PPM1A: variants seen among roughly 807,000 people sequenced by gnomAD.
PPM1A encodes the protein protein phosphatase, Mg2+/Mn2+ dependent 1A, also known as protein phosphatase 1A.
In PPM1A, 7 loss-of-function variants were observed where a neutral mutation model predicts 35.0. The observed-to-expected ratio is 0.20, with a 90% CI of 0.11 to 0.38. The LOEUF (loss-of-function observed/expected upper bound fraction) is 0.38. Among genes scored for constraint, PPM1A ranks in the 10% least tolerant of loss-of-function variants. The pLI is 1.00. For synonymous variants in PPM1A, 153 were observed against 167.3 expected, an observed-to-expected ratio of 0.91 and a Z score of 0.66; for missense variants, 239 against 467.8, an observed-to-expected ratio of 0.51 and a Z score of 4.51.
At chr14:60,272,690 C>CAA (rs34892158) in intron 1 of PPM1A, among the ~76,000 whole-genome samples, 272 of 68,086 alleles carry the variant, frequency 4.0e-3, no homozygotes, top group East Asian at 0.013. Flanking sequence ...GACTCTGTCT[C>CAA]AAAAAAAAAA....
At chr14:60,276,500 AATGTTC>A (rs1885776454) in intron 1 of PPM1A, among the ~76,000 whole-genome samples, 1 of 152,106 alleles carries the variant, frequency 6.6e-6, no homozygotes, top group Non-Finnish European at 1.5e-5. Flanking sequence ...CCTGTTTAGC[AATGTTC>A]TTTTGTTATA....
At chr14:60,257,412 A>G (rs2139357087) in intron 1 of PPM1A, among the ~76,000 whole-genome samples, 1 of 152,322 alleles carries the variant, frequency 6.6e-6, no homozygotes, top group East Asian at 1.9e-4. Flanking sequence ...TGAACACATG[A>G]CAGAAAATTG....
intron 1 of PPM1A, among the ~76,000 whole-genome samples, chr14:60,258,543 ATT>A (rs1883393729): frequency 6.6e-6 from 1 of 152,114 alleles, no homozygotes; most frequent in South Asian, 2.1e-4. Flanking sequence ...TTTTAAAGTC[ATT>A]GATGAACAGT....
chr14:60,256,699 C>G lies in PPM1A; in HGVS notation c.-21+7022C>G, dbSNP rs982991932. ...TATCTCATTAAATCTTCATAGCAGC[C>G]CTATGAGCTAGATACTGTTACTACC... On this transcript the variant is annotated intron_variant, in intron 1 of 5. Coordinates refer to ENST00000395076, the MANE Select transcript of PPM1A (RefSeq NM_021003.5). 3 of 152,064 alleles carry G rather than the reference C, an allele frequency of 2.0e-5. No homozygotes were observed. In the South Asian group the frequency reaches 6.2e-4, roughly 32 times the overall value. 9.4% of individuals were successfully genotyped at this position (152,064 alleles called of 1,614,324 possible).
intron 4 of PPM1A, among the ~76,000 whole-genome samples, 158 bp downstream of exon 4, chr14:60,290,072 G>A (rs1028669911): frequency 6.6e-6 from 1 of 152,078 alleles, no homozygotes; most frequent in Non-Finnish European, 1.5e-5. Context: ...AATATCTAGA[G>A]TTTGTTTAGA....
At chr14:60,260,809 G>A (rs1883664092) in intron 1 of PPM1A, among the ~76,000 whole-genome samples, 1 of 152,086 alleles carries the variant, frequency 6.6e-6, no homozygotes, top group African/African-American at 2.4e-5. Flanking sequence ...TCACTTACAT[G>A]TGTCTTGCAT....
upstream of PPM1A, chr14:60,248,742 T>C: frequency 6.6e-6 from 1 of 151,328 alleles, no homozygotes; most frequent in Non-Finnish European, 1.5e-5. Context: ...TCGCAGGGAG[T>C]GGGGTTTGTA....
chr14:60,258,695 T>C (rs1374640034), intron 1 of PPM1A, among the ~76,000 whole-genome samples: 1 of 152,114 alleles, frequency 6.6e-6, no homozygotes, highest in Non-Finnish European at 1.5e-5. Flanking sequence ...GGATACAGTT[T>C]GTTGGCCGGC....
chr14:60,285,789 C>G, intron 3 of PPM1A, 48 bp downstream of exon 3: 1 of 1,598,140 alleles, frequency 6.3e-7, no homozygotes, highest in Non-Finnish European at 8.5e-7. Context: ...GAAAAATCTT[C>G]AACACAATCA....
chr14:60,280,472 G>T (rs774760965), intron 1 of PPM1A, among the ~76,000 whole-genome samples: 1 of 152,234 alleles, frequency 6.6e-6, no homozygotes, highest in Non-Finnish European at 1.5e-5. Flanking sequence ...GAGGAAGGAA[G>T]TTTGTCATTA....
chr14:60,289,962 A>C lies in PPM1A; in HGVS notation c.1061+48A>C, dbSNP rs1177965048. On this transcript the variant is annotated intron_variant, in intron 4 of 5. Transcript: ENST00000395076. This position sits in a 1 kb window ranked among gnomAD's most constrained non-coding sequence, Gnocchi z 4.1. ...TTATGCTTTATGTCAGTGTATGAAAATGTTAGGTATTCATTGATAAAATGT... is the reference window on the plus strand; with the variant it reads ...TTATGCTTTATGTCAGTGTATGAAACTGTTAGGTATTCATTGATAAAATGT... 1.6e-6 allele frequency: 2 copies of C among 1,240,074 alleles called. No individual in the cohort carries two copies. Among genetic ancestry groups the C allele is most frequent in the East Asian group, 2.7e-5 (1 of 37,050 alleles). The allele number at this position is 1,240,074 out of a possible 1,614,324, so 76.8% of individuals were successfully genotyped here.
At chr14:60,252,480 CAAG>C (rs1241901952) in intron 1 of PPM1A, among the ~76,000 whole-genome samples, 4 of 152,062 alleles carry the variant, frequency 2.6e-5, no homozygotes, top group Non-Finnish European at 5.9e-5. Context: ...AAGAGTTAAG[CAAG>C]AAGATAAAAC....
rs767419955 is a variant in PPM1A, at chr14:60,289,820, C to G, written c.967C>G (p.Gln323Glu). Residue 323 changes from glutamine to glutamate, a missense_variant, in exon 4 of 6, where the codon CAG becomes GAG. Gln to Glu is a conservative substitution (Grantham distance 29). Transcript: ENST00000395076. This position sits in a 1 kb window ranked among gnomAD's most constrained non-coding sequence, Gnocchi z 4.1. ...ECRVEEIIKK[Q>E]GEGVPDLVHV... ...CTGATTCCCAGAAATCATAAAGAAG[C>G]AGGGGGAAGGCGTCCCCGACTTAGT... 6.2e-7 allele frequency: 1 copy of G among 1,608,448 alleles called. No homozygotes were observed. Among genetic ancestry groups the G allele is most frequent in the East Asian group, 2.2e-5 (1 of 44,600 alleles).
At chr14:60,280,014 T>G (rs752822680) in intron 1 of PPM1A, among the ~76,000 whole-genome samples, 14 of 152,242 alleles carry the variant, frequency 9.2e-5, no homozygotes, top group Non-Finnish European at 2.1e-4. Context: ...ATATACTTTT[T>G]TTTTTGAGAC....
rs901409475 is a variant in PPM1A at position 60,295,104 on chromosome 14, C to T, written c.*2622C>T. 4 of 151,574 alleles carry T rather than the reference C, an allele frequency of 2.6e-5. No homozygotes were observed. Among genetic ancestry groups the T allele is most frequent in the Non-Finnish European group, 5.9e-5 (4 of 67,680 alleles). 9.4% of individuals were successfully genotyped at this position (151,574 alleles called of 1,614,324 possible). A position where few individuals can be genotyped will look rare whatever the true frequency, so the allele number is the denominator to read the frequency against. ...TCAAAAATGTTTGATGTGTTCTGTT[C>T]TTTGGAGGGAAAAAGTTCTTATGTG... On this transcript the variant is annotated 3_prime_UTR_variant, in exon 6 of 6. Transcript: ENST00000395076.
At chr14:60,261,693 T>A (rs1273933932) in intron 1 of PPM1A, among the ~76,000 whole-genome samples, 4 of 152,188 alleles carry the variant, frequency 2.6e-5, no homozygotes, top group Non-Finnish European at 5.9e-5. Context: ...TCAGATTCAG[T>A]GGGCTGTTTA....
rs1887849370 is a variant in PPM1A, at chr14:60,293,693, AGT to A, written c.*1218_*1219del. 6.6e-6 allele frequency: 1 copy of A among 150,988 alleles called. No homozygotes were observed. The highest frequency in any genetic ancestry group is 6.6e-5 in the Admixed American group (1 of 15,114). The allele number at this position is 150,988 out of a possible 1,614,324, so 9.4% of individuals were successfully genotyped here. A position where few individuals can be genotyped will look rare whatever the true frequency, so the allele number is the denominator to read the frequency against. ...AGGGGTGTGTGTGTGTGTGTTTGTGAGTGTGTGTTTGCCTGTGATTTTTAATT... is the reference window on the plus strand; with the variant it reads ...AGGGGTGTGTGTGTGTGTGTTTGTGAGTGTGTTTGCCTGTGATTTTTAATT... On this transcript the variant is annotated 3_prime_UTR_variant, in exon 6 of 6. Coordinates refer to ENST00000395076, the MANE Select transcript of PPM1A (RefSeq NM_021003.5). This position sits in a 1 kb window ranked among gnomAD's most constrained non-coding sequence, Gnocchi z 4.0.
chr14:60,266,126 ATAGC>A (rs1453883330), intron 1 of PPM1A, among the ~76,000 whole-genome samples: 26 of 152,230 alleles, frequency 1.7e-4, no homozygotes, highest in African/African-American at 5.5e-4. Flanking sequence ...TTTGTGTTTA[ATAGC>A]TAGCAGGATT....
intron 1 of PPM1A, among the ~76,000 whole-genome samples, chr14:60,255,225 G>T (rs377030948): frequency 7.1e-6 from 1 of 141,724 alleles, no homozygotes; most frequent in Non-Finnish European, 1.5e-5. Context: ...AGGCTGGAGT[G>T]CAGTGGCGCG....
Sources: allele counts gnomAD v4.1 joint callset (sites outside exome capture counted in the v4.1 genomes callset), GRCh38; gene constraint gnomAD v4.1.1; non-coding constraint Gnocchi (gnomAD v3.1); transcripts MANE v1.5; gene names NCBI Gene and HGNC (gene_info 2026-07-23, HGNC 2026-07-21).